The following GPAT3 variants were observed in gnomAD, a reference collection of about 807,000 sequenced individuals.
GPAT3 encodes 1-AGP acyltransferase 9.
A neutral mutation model predicts 58.8 loss-of-function variants in GPAT3; 53 were observed. The observed-to-expected ratio is 0.90, with a 90% confidence interval of 0.72 to 1.13. GPAT3 has a LOEUF of 1.13. GPAT3 is among the 50% of genes most tolerant of loss of function. The pLI, the probability that GPAT3 is intolerant of heterozygous loss-of-function variation, is 0.00. For missense variants in GPAT3, 511 were observed against 527.6 expected, an observed-to-expected ratio of 0.97 and a Z score of 0.31; for synonymous variants, 197 against 187.4, an observed-to-expected ratio of 1.05 and a Z score of -0.42.
chr4:83,538,698 T>G (rs1282570577), intron 1 of GPAT3, among the ~76,000 whole-genome samples: 1 of 152,144 alleles, frequency 6.6e-6, no homozygotes. Flanking sequence ...GATAGGATGA[T>G]CTCCAGTCCA....
chr4:83,535,989 C>T (rs1724063242), upstream of GPAT3: 1 of 985,314 alleles, frequency 1.0e-6, no homozygotes, highest in African/African-American at 1.7e-5. Flanking sequence ...ACGGAGACCG[C>T]CCAGGAGGCT....
intron 2 of GPAT3, among the ~76,000 whole-genome samples, chr4:83,551,793 G>GA (rs765639097): frequency 0.013 from 824 of 61,902 alleles, 21 homozygotes; most frequent in African/African-American, 0.026. Flanking sequence ...CTCCATCTCG[G>GA]AAAAAAAAAA....
At chr4:83,551,813 AATCTATCT>A (rs3083939) in intron 2 of GPAT3, among the ~76,000 whole-genome samples, 10 of 102,400 alleles carry the variant, frequency 9.8e-5, no homozygotes, top group African/African-American at 1.4e-4. Context: ...AAAAAAAAAA[AATCTATCT>A]ATCTATCTAT....
In GPAT3 at chr4:83,561,299, A is replaced by G. The variant is rs183031962; in HGVS notation, c.208+16697A>G. On this transcript the variant is annotated intron_variant, in intron 2 of 11. Coordinates refer to ENST00000264409, the MANE Select transcript of GPAT3 (RefSeq NM_032717.5). ...AGCAGATTAATGCCAGAAAGAGATT[A>G]CAGGCTTTGGCTATATAACATGCTT... 2.0e-4 allele frequency among the ~76,000 whole-genome samples: 31 copies of G among 152,356 alleles called. No homozygotes were observed. The Middle Eastern group carries it at 0.01, about 50-fold the overall frequency.
intron 1 of GPAT3, among the ~76,000 whole-genome samples, chr4:83,539,070 A>G (rs1724201874): frequency 6.6e-6 from 1 of 152,222 alleles, no homozygotes; most frequent in African/African-American, 2.4e-5. Context: ...GTGCAGGAGA[A>G]CAGTAACCCA....
chr4:83,601,326 G>A (rs1444931724), intron 11 of GPAT3, among the ~76,000 whole-genome samples: 1 of 152,188 alleles, frequency 6.6e-6, no homozygotes, highest in African/African-American at 2.4e-5. Context: ...CAAGGGTGGG[G>A]AATAACACTA....
chr4:83,603,212 T>C (rs778335655), intron 11 of GPAT3, among the ~76,000 whole-genome samples: 13 of 152,202 alleles, frequency 8.5e-5, no homozygotes, highest in Non-Finnish European at 1.8e-4. Context: ...TCTAAAACTT[T>C]AGATTAGGAG....
At chr4:83,540,173 A>G (rs1320482231) in intron 1 of GPAT3, among the ~76,000 whole-genome samples, 2 of 152,002 alleles carry the variant, frequency 1.3e-5, no homozygotes, top group Non-Finnish European at 2.9e-5. Context: ...AAAAAAAAAA[A>G]AAAAGAAATC....
intron 2 of GPAT3, among the ~76,000 whole-genome samples, chr4:83,563,088 G>T (rs540237551): frequency 6.6e-6 from 1 of 152,324 alleles, no homozygotes; most frequent in East Asian, 1.9e-4. Flanking sequence ...TATGTGGAAA[G>T]CACCATAATC....
intron 7 of GPAT3, among the ~76,000 whole-genome samples, chr4:83,596,051 G>A (rs1726815538): frequency 1.3e-5 from 2 of 152,186 alleles, no homozygotes; most frequent in African/African-American, 4.8e-5. Context: ...TTGGTTGCAG[G>A]GAGGACAGGA....
At chr4:83,547,476 T>C (rs1185519386) in intron 2 of GPAT3, among the ~76,000 whole-genome samples, 3 of 151,872 alleles carry the variant, frequency 2.0e-5, no homozygotes, top group Admixed American at 6.6e-5. Context: ...ATGGTCTCGA[T>C]CTCCTGACCT....
At position 83,578,959 on chromosome 4, in the gene GPAT3, T is replaced by TCTTTCTTG. The variant is rs1560620622; in HGVS notation, c.209-2596_209-2595insGCTTTCTT. Among the ~76,000 whole-genome samples, 31 of 121,106 alleles carry TCTTTCTTG rather than the reference T, an allele frequency of 2.6e-4. 2 individuals are homozygous for TCTTTCTTG. The highest frequency in any genetic ancestry group is 1.0e-3 in the African/African-American group (30 of 28,788). 79.5% of individuals were successfully genotyped at this position (121,106 alleles called of 152,430 possible). A position where few individuals can be genotyped will look rare whatever the true frequency, so the allele number is the denominator to read the frequency against. On this transcript the variant is annotated intron_variant, in intron 2 of 11. Transcript: ENST00000264409. ...TTTCTTTTCTTTTCTTTTCTTTCTT[T>TCTTTCTTG]CTTTCTTTCTTTCTTTCTTTCTTTC...
intron 2 of GPAT3, among the ~76,000 whole-genome samples, chr4:83,553,547 G>C (rs558798911): frequency 1.3e-5 from 2 of 152,202 alleles, no homozygotes; most frequent in African/African-American, 4.8e-5. Context: ...CTTGGAAGAG[G>C]GTACCTGCAT....
At chr4:83,596,740 C>T in intron 7 of GPAT3, 118 bp from the exon 8 acceptor site, 1 of 761,352 alleles carries the variant, frequency 1.3e-6, no homozygotes, top group Admixed American at 2.7e-5. Context: ...TTACCTGTAT[C>T]TCAATTATTT....
At chr4:83,555,782 G>A (rs1167702090) in intron 2 of GPAT3, among the ~76,000 whole-genome samples, 1 of 152,186 alleles carries the variant, frequency 6.6e-6, no homozygotes, top group Non-Finnish European at 1.5e-5. Context: ...AGGCGGTCTT[G>A]TAGAACTGAG....
At chr4:83,597,569 T>G (rs770117200) in intron 9 of GPAT3, 54 bp downstream of exon 9, 44 of 1,259,802 alleles carry the variant, frequency 3.5e-5, no homozygotes, top group Non-Finnish European at 4.4e-5. Context: ...ATTGGATTGG[T>G]AATTTTATTT....
chr4:83,585,846 C>T (rs1726355703), intron 3 of GPAT3, among the ~76,000 whole-genome samples: 1 of 152,204 alleles, frequency 6.6e-6, no homozygotes, highest in Non-Finnish European at 1.5e-5. Context: ...CTGGGCCTCC[C>T]AAACTGCTGG....
chr4:83,554,445 A>G (rs1724876710), intron 2 of GPAT3, among the ~76,000 whole-genome samples: 1 of 152,258 alleles, frequency 6.6e-6, no homozygotes, highest in Admixed American at 6.5e-5. Context: ...AAAAATCCCA[A>G]TCAAAACTCC....
chr4:83,549,971 C>T (rs1043186572), intron 2 of GPAT3, among the ~76,000 whole-genome samples: 5 of 151,530 alleles, frequency 3.3e-5, no homozygotes, highest in Non-Finnish European at 4.4e-5. Flanking sequence ...GATCCACCTG[C>T]CTCAGCCTCC....
Sources: gnomAD v4.1 joint callset for allele counts (sites outside exome capture counted in the v4.1 genomes callset) on GRCh38, gnomAD v4.1.1 for gene constraint, MANE v1.5 for transcripts, NCBI Gene and HGNC (gene_info 2026-07-23, HGNC 2026-07-21) for gene names.